Variants in BMPR2 observed in about 807,000 individuals in gnomAD.
BMPR2 encodes bone morphogenetic protein receptor type-2.
In BMPR2, 29 loss-of-function variants were observed where a neutral mutation model predicts 100.8. The observed-to-expected ratio is 0.29, with a 90% CI of 0.21 to 0.39. BMPR2 has a LOEUF of 0.39. BMPR2 is among the 10% of genes least tolerant of loss of function. The probability of loss-of-function intolerance (pLI) is 1.00; values close to 1 mark genes in which losing one functional copy is unlikely to be tolerated. For synonymous variants in BMPR2, 382 were observed against 442.3 expected (o/e 0.86, Z 1.71); for missense variants, 1,011 against 1,274.5 (o/e 0.79, Z 3.15).
chr2:202,544,761 C>CTTTTTTT (rs56654364), intron 10 of BMPR2, among the ~76,000 whole-genome samples: 3 of 82,684 alleles, frequency 3.6e-5, no homozygotes, highest in East Asian at 3.2e-4. Flanking sequence ...CTTTTTCTTT[C>CTTTTTTT]TTTTTTTTTT....
At chr2:202,391,334 T>A (rs570557127) in intron 1 of BMPR2, among the ~76,000 whole-genome samples, 23 of 151,966 alleles carry the variant, frequency 1.5e-4, no homozygotes, top group African/African-American at 5.3e-4. Flanking sequence ...AATAGGGCCT[T>A]GCTCTGCCAC....
At chr2:202,452,829 T>TG (rs71406980) in intron 1 of BMPR2, among the ~76,000 whole-genome samples, 2 of 152,212 alleles carry the variant, frequency 1.3e-5, no homozygotes, top group African/African-American at 4.8e-5. Context: ...GTAAGAATTA[T>TG]GGGGATTGTG....
chr2:202,376,869 A>G lies in BMPR2; in HGVS notation c.-606A>G, dbSNP rs1179659407. The G allele has an allele frequency of 9.8e-6, 4 of 409,224 alleles. No homozygotes were observed. Among genetic ancestry groups the G allele is most frequent in the African/African-American group, 6.2e-5 (3 of 48,548 alleles). 25.3% of individuals were successfully genotyped at this position (409,224 alleles called of 1,614,324 possible). On this transcript the variant is annotated 5_prime_UTR_variant, in exon 1 of 13. It removes an upstream start codon present in the reference 5' UTR. Transcript: ENST00000374580. ...AGGCGTGGGGACTGTGAGCTTGTCC[A>G]TGGAGGCAGGCACCTTTTTTGATCC... is the stretch of plus-strand genomic sequence containing the variant.
At chr2:202,448,171 C>T (rs964945704) in intron 1 of BMPR2, among the ~76,000 whole-genome samples, 1 of 150,540 alleles carries the variant, frequency 6.6e-6, no homozygotes, top group African/African-American at 2.5e-5. Context: ...GAGTGTTGGC[C>T]AGGCGCGGTG....
intron 10 of BMPR2, among the ~76,000 whole-genome samples, chr2:202,544,045 G>A (rs1251143473): frequency 6.6e-6 from 1 of 152,062 alleles, no homozygotes; most frequent in African/African-American, 2.4e-5. Flanking sequence ...AGGAGGCTGA[G>A]GTAGGAGAAT....
intron 1 of BMPR2, 74 bp from the exon 2 acceptor site, chr2:202,464,735 G>C: frequency 7.2e-7 from 1 of 1,382,350 alleles, no homozygotes; most frequent in Non-Finnish European, 9.8e-7. Flanking sequence ...AAGTCATTCG[G>C]ATAAGACAAA....
chr2:202,456,313 A>G (rs1692103224), intron 1 of BMPR2, among the ~76,000 whole-genome samples: 1 of 149,640 alleles, frequency 6.7e-6, no homozygotes, highest in Non-Finnish European at 1.5e-5. Flanking sequence ...CTGGGATTAC[A>G]GGCGCCCACC....
chr2:202,468,534 A>G (rs1306404857), intron 3 of BMPR2, among the ~76,000 whole-genome samples: 2 of 152,234 alleles, frequency 1.3e-5, no homozygotes, highest in Non-Finnish European at 2.9e-5. Context: ...AGACAACTAC[A>G]TGTGTGCTTA....
intron 7 of BMPR2, among the ~76,000 whole-genome samples, chr2:202,523,764 A>G (rs1186770121): frequency 6.6e-6 from 1 of 152,076 alleles, no homozygotes; most frequent in Admixed American, 6.6e-5. Context: ...AGATCGTGCC[A>G]TTGCACTCCA....
intron 2 of BMPR2, among the ~76,000 whole-genome samples, chr2:202,465,915 A>G (rs1476876947): frequency 6.6e-6 from 1 of 152,206 alleles, no homozygotes; most frequent in Non-Finnish European, 1.5e-5. Context: ...CTCCACCTTA[A>G]TTATAAGCAT....
chr2:202,457,555 TATATATAGAGAGAGAG>T (rs1182555053), intron 1 of BMPR2, among the ~76,000 whole-genome samples: 20 of 99,984 alleles, frequency 2.0e-4, no homozygotes, highest in African/African-American at 7.6e-4. Context: ...TATATATATA[TATATATAGAGAGAGAG>T]AGAGAGAGAG....
chr2:202,518,238 A>G, intron 5 of BMPR2, among the ~76,000 whole-genome samples: 1 of 144,972 alleles, frequency 6.9e-6, no homozygotes, highest in Admixed American at 7.0e-5. Context: ...CCTGGGTTCA[A>G]GTGATTCTCC....
intron 1 of BMPR2, among the ~76,000 whole-genome samples, chr2:202,422,338 GCT>G (rs1332503744): frequency 6.6e-5 from 10 of 151,334 alleles, no homozygotes; most frequent in Non-Finnish European, 8.8e-5. Context: ...ACGGAGTCTT[GCT>G]CTGTCGCCCA....
chr2:202,399,419 C>G lies in BMPR2; in HGVS notation c.76+21869C>G, dbSNP rs1442440794. On this transcript the variant is annotated intron_variant, in intron 1 of 12. Transcript: ENST00000374580. ...AGGATCGGAAAGGAGCTTGTTGTGG[C>G]TCGAATGTTGTGAACTAGGAAGAGA... 2.0e-5 allele frequency among the ~76,000 whole-genome samples: 3 copies of G among 152,050 alleles called. No homozygotes were observed. The South Asian group carries it at 6.2e-4, about 32-fold the overall frequency.
At chr2:202,410,236 C>T (rs1441142363) in intron 1 of BMPR2, among the ~76,000 whole-genome samples, 5 of 152,016 alleles carry the variant, frequency 3.3e-5, no homozygotes, top group Admixed American at 6.6e-5. Context: ...CCGCCCGCCT[C>T]GGCTTCCCAA....
At chr2:202,430,636 A>G (rs902550947) in intron 1 of BMPR2, among the ~76,000 whole-genome samples, 1 of 152,132 alleles carries the variant, frequency 6.6e-6, no homozygotes, top group Non-Finnish European at 1.5e-5. Flanking sequence ...TCCTTTGGTT[A>G]TATATACTTT....
At chr2:202,448,256 T>A (rs1691895616) in intron 1 of BMPR2, among the ~76,000 whole-genome samples, 1 of 151,146 alleles carries the variant, frequency 6.6e-6, no homozygotes. Flanking sequence ...AAGACCATCC[T>A]GGCTAACATG....
At chr2:202,508,114 T>A (rs1179364585) in intron 3 of BMPR2, among the ~76,000 whole-genome samples, 2 of 142,346 alleles carry the variant, frequency 1.4e-5, no homozygotes, top group South Asian at 2.2e-4. Context: ...TATTATTATT[T>A]TTGAGTCTCA....
At chr2:202,438,499 C>G (rs1691661487) in intron 1 of BMPR2, among the ~76,000 whole-genome samples, 1 of 149,898 alleles carries the variant, frequency 6.7e-6, no homozygotes, top group Non-Finnish European at 1.5e-5. Context: ...TTTTGTTGTG[C>G]TTTTTGGTAT....
Sources: gnomAD v4.1 joint callset for allele counts (sites outside exome capture counted in the v4.1 genomes callset) on GRCh38, gnomAD v4.1.1 for gene constraint, MANE v1.5 for transcripts, NCBI Gene and HGNC (gene_info 2026-07-23, HGNC 2026-07-21) for gene names.